The following PODNL1 variants were observed in gnomAD, a reference collection of about 807,000 sequenced individuals.
PODNL1 encodes podocan like 1, also known as podocan-like protein 1.
In PODNL1, 50 loss-of-function variants were observed where a neutral mutation model predicts 45.1. The ratio of observed to expected loss-of-function variants is 1.11; its 90% CI spans 0.88 to 1.40. The LOEUF (loss-of-function observed/expected upper bound fraction) is 1.40. Ranked by LOEUF, PODNL1 falls within the 40% of genes most tolerant of loss-of-function variation. The probability of loss-of-function intolerance (pLI) is 0.00; values close to 1 mark genes in which losing one functional copy is unlikely to be tolerated. For missense variants in PODNL1, 788 were observed against 793.3 expected, an observed-to-expected ratio of 0.99 and a Z score of 0.08; for synonymous variants, 406 against 372.5, an observed-to-expected ratio of 1.09 and a Z score of -1.04.
chr19:13,951,383 C>T (rs534986004), intron 1 of PODNL1, among the ~76,000 whole-genome samples: 2 of 152,270 alleles, frequency 1.3e-5, no homozygotes, highest in South Asian at 4.1e-4. Context: ...CACCTGTCCT[C>T]CCAACACTTT....
intron 5 of PODNL1, among the ~76,000 whole-genome samples, chr19:13,935,344 T>G (rs953111729): frequency 2.0e-5 from 3 of 152,278 alleles, no homozygotes; most frequent in African/African-American, 7.2e-5. Context: ...TTTTTAATTT[T>G]GAGACAGAGT....
upstream of PODNL1, among the ~76,000 whole-genome samples, chr19:13,941,548 C>T (rs1342570036): frequency 1.3e-5 from 2 of 152,032 alleles, no homozygotes. Context: ...CAGTGGCCCA[C>T]GCCTGTAATT....
intron 2 of PODNL1, 82 bp from the exon 3 acceptor site, chr19:13,936,542 G>T: frequency 9.3e-7 from 1 of 1,069,994 alleles, no homozygotes; most frequent in African/African-American, 1.6e-5. Context: ...CTTCCCATCA[G>T]CCCAAACCAG....
intron 5 of PODNL1, 123 bp from the exon 6 acceptor site, chr19:13,934,533 G>GCA: frequency 1.0e-6 from 1 of 957,800 alleles, no homozygotes; most frequent in Non-Finnish European, 1.5e-6. Context: ...GTGTGCGCGC[G>GCA]CATGTGTGGA....
chr19:13,950,354 A>G (rs562047234), intron 1 of PODNL1, among the ~76,000 whole-genome samples: 47 of 151,538 alleles, frequency 3.1e-4, no homozygotes, highest in African/African-American at 1.1e-3. Context: ...TGTTTTGTAG[A>G]GATGAGGGTT....
At chr19:13,932,677 C>A (rs1281755925) in intron 8 of PODNL1, 121 bp downstream of exon 8, 1 of 1,583,744 alleles carries the variant, frequency 6.3e-7, no homozygotes, top group Non-Finnish European at 8.6e-7. Flanking sequence ...TTCTAACCCA[C>A]TCTTATCATT....
At chr19:13,947,456 G>A (rs1289102754) in intron 1 of PODNL1, among the ~76,000 whole-genome samples, 2 of 151,500 alleles carry the variant, frequency 1.3e-5, no homozygotes, top group Admixed American at 1.3e-4. Flanking sequence ...ACTCCAGCCT[G>A]GGTGACAAGA....
chr19:13,933,089 C>T lies in PODNL1; in HGVS notation c.1134G>A (p.Thr378=), dbSNP rs1187580363. 2.0e-5 allele frequency: 30 copies of T among 1,530,938 alleles called. No homozygotes were observed. The highest frequency in any genetic ancestry group is 4.9e-5 in the East Asian group (2 of 41,122). The allele number at this position is 1,530,938 out of a possible 1,614,324, so 94.8% of individuals were successfully genotyped here. The change falls in exon 8 of 10, where the codon ACG becomes ACA. Residue 378 remains threonine (T), a synonymous_variant. Transcript: ENST00000588872. This position sits in a 1 kb window ranked among gnomAD's most constrained non-coding sequence, Gnocchi z 5.2. ...GGCGGTTATAGGCCAGGTTAAGCTC[C>T]GTCAGGCCCGGTGTGGCGACCAGGT... ...ARDLVATPGL[T]ELNLAYNRLA... is the part of the protein sequence containing the mutation.
Position 13,931,550 on chromosome 19 carries a change from G to T in PODNL1, c.*187C>A. 1 of 554,752 alleles carries T rather than the reference G, an allele frequency of 1.8e-6. No homozygotes were observed. The allele number at this position is 554,752 out of a possible 1,614,324, so 34.4% of individuals were successfully genotyped here. ...GGGTAGGGTGTGTCCCGCCAGGCCGGCGTGGTCTGTGAGCCTGGAGTATGC... is the reference window on the plus strand; with the variant it reads ...GGGTAGGGTGTGTCCCGCCAGGCCGTCGTGGTCTGTGAGCCTGGAGTATGC... On this transcript the variant is annotated 3_prime_UTR_variant, in exon 10 of 10. Coordinates refer to ENST00000588872, the MANE Select transcript of PODNL1 (RefSeq NM_001370095.3).
In PODNL1 at chr19:13,936,366, C is replaced by G. The variant is rs557913699; in HGVS notation, c.319+1G>C. 7 of 1,610,774 alleles carry G rather than the reference C, an allele frequency of 4.3e-6. No individual in the cohort carries two copies. In the Admixed American group the frequency reaches 1.0e-4, roughly 23 times the overall value. On this transcript the variant is annotated splice_donor_variant, in intron 3 of 9. Transcript: ENST00000588872. LOFTEE classifies it high-confidence loss of function. ...GAGGCCGCCTCCCTCTGCCCCCTCA[C>G]CTTCGGAGGAGATGAGGTTGTTGTG...
At chr19:13,948,089 G>A (rs1258376341) in intron 1 of PODNL1, among the ~76,000 whole-genome samples, 1 of 152,062 alleles carries the variant, frequency 6.6e-6, no homozygotes, top group Non-Finnish European at 1.5e-5. Context: ...GATCAAGGGA[G>A]ACTTTAAGCA....
At chr19:13,951,246 G>GCA in intron 1 of PODNL1, among the ~76,000 whole-genome samples, 1 of 150,230 alleles carries the variant, frequency 6.7e-6, no homozygotes, top group East Asian at 2.0e-4. Flanking sequence ...AGGAGTTTTC[G>GCA]AGCAGCCTGG....
intron 1 of PODNL1, among the ~76,000 whole-genome samples, chr19:13,952,260 A>T: frequency 6.6e-6 from 1 of 152,388 alleles, no homozygotes; most frequent in East Asian, 1.9e-4. Context: ...GATCAAAGTT[A>T]TCTGGGCAGG....
At chr19:13,939,432 G>A (rs551825363), upstream of PODNL1, among the ~76,000 whole-genome samples, 234 of 152,050 alleles carry the variant, frequency 1.5e-3, 1 homozygote, top group African/African-American at 5.3e-3. Flanking sequence ...GGCTGGTCTC[G>A]AACTCCTGAC....
Position 13,932,018 on chromosome 19 carries a change from T to A in PODNL1, c.1520A>T (p.His507Leu), listed in dbSNP as rs1271022224. The A allele has an allele frequency of 2.4e-6, 3 of 1,232,158 alleles. No homozygotes were observed. The highest frequency in any genetic ancestry group is 6.3e-5 in the East Asian group (2 of 31,724). 76.3% of individuals were successfully genotyped at this position (1,232,158 alleles called of 1,614,324 possible). Reference sequence around the variant, plus strand: ...GCTGAGGAAGGCCTCGGGGCCCACGTGGCCGATGCGGTTGCCCTCGAGGTG... The same window carrying A: ...GCTGAGGAAGGCCTCGGGGCCCACGAGGCCGATGCGGTTGCCCTCGAGGTG... ...ELHLEGNRIG[H>L]VGPEAFLSTP... Residue 507 changes from histidine (H) to leucine (L), a missense_variant, in exon 9 of 10, where the codon CAC becomes CTC. Around this residue, in one of 3 missense-constraint regions of PODNL1, gnomAD observed 762 missense variants for 750.9 expected, o/e 1.01. Transcript: ENST00000588872.
chr19:13,947,654 G>A (rs1372989811), intron 1 of PODNL1, among the ~76,000 whole-genome samples: 2 of 152,102 alleles, frequency 1.3e-5, no homozygotes, highest in Non-Finnish European at 1.5e-5. Context: ...TTTGTCCCAT[G>A]TACGTATTCA....
intron 1 of PODNL1, chr19:13,949,439 T>C (rs1972928953): frequency 6.6e-6 from 1 of 151,848 alleles, no homozygotes; most frequent in Admixed American, 6.6e-5. Flanking sequence ...CCCACGTACA[T>C]AGGACTACAG....
chr19:13,950,406 G>C (rs1972959306), intron 1 of PODNL1, among the ~76,000 whole-genome samples: 1 of 152,136 alleles, frequency 6.6e-6, no homozygotes, highest in Non-Finnish European at 1.5e-5. Flanking sequence ...GTGGGTTCAA[G>C]TGATCCTCCC....
Position 13,933,795 on chromosome 19 carries a change from G to T in PODNL1, c.767+83C>A. 8.1e-7 allele frequency: 1 copy of T among 1,228,622 alleles called. No homozygotes were observed. The allele number at this position is 1,228,622 out of a possible 1,614,324, so 76.1% of individuals were successfully genotyped here. ...CTCAGTAAATGAGGCCGTGGCTTAG[G>T]AGCCAGTCAGGGAAGGGGGACTGAA... On this transcript the variant is annotated intron_variant, in intron 7 of 9. Transcript: ENST00000588872. This position sits in a 1 kb window ranked among gnomAD's most constrained non-coding sequence, Gnocchi z 5.2.
Sources: allele counts gnomAD v4.1 joint callset (sites outside exome capture counted in the v4.1 genomes callset), GRCh38; gene constraint gnomAD v4.1.1; regional missense constraint gnomAD v4.1.1; non-coding constraint Gnocchi (gnomAD v3.1); transcripts MANE v1.5; gene names NCBI Gene and HGNC (gene_info 2026-07-23, HGNC 2026-07-21).